Variants in SLC25A37 observed in about 807,000 individuals in gnomAD.
SLC25A37 encodes the protein mitoferrin-1.
A neutral mutation model predicts 31.0 loss-of-function variants in SLC25A37; 17 were observed. The observed-to-expected ratio is 0.55, with a 90% confidence interval of 0.38 to 0.82. The LOEUF (loss-of-function observed/expected upper bound fraction) is 0.82. Among genes scored for constraint, SLC25A37 ranks in the 40% least tolerant of loss-of-function variants. SLC25A37 has a pLI of 0.00. For synonymous variants in SLC25A37, 222 were observed against 193.0 expected, an observed-to-expected ratio of 1.15 and a Z score of -1.24; for missense variants, 404 against 465.8, an observed-to-expected ratio of 0.87 and a Z score of 1.22.
chr8:23,543,766 C>T (rs994887024), intron 1 of SLC25A37, among the ~76,000 whole-genome samples: 7 of 151,638 alleles, frequency 4.6e-5, no homozygotes, highest in Non-Finnish European at 7.4e-5. Flanking sequence ...ATCTCCTGAC[C>T]TTGTTTTGAT....
chr8:23,541,820 G>A (rs990706889), intron 1 of SLC25A37: 1 of 152,498 alleles, frequency 6.6e-6, no homozygotes, highest in Admixed American at 6.5e-5. Context: ...CAGACCAGAG[G>A]TGGGGACATC....
chr8:23,530,861 C>T (rs1046102753), intron 1 of SLC25A37, among the ~76,000 whole-genome samples: 2 of 152,184 alleles, frequency 1.3e-5, no homozygotes, highest in African/African-American at 4.8e-5. Flanking sequence ...TTAGTTGTGC[C>T]TTCTGAGCAC....
At chr8:23,563,702 C>T (rs1802574152) in intron 1 of SLC25A37, among the ~76,000 whole-genome samples, 1 of 152,136 alleles carries the variant, frequency 6.6e-6, no homozygotes, top group Non-Finnish European at 1.5e-5. Context: ...GCTAAACTGG[C>T]CGGGTGCAGT....
chr8:23,545,732 C>T (rs1802018287), intron 1 of SLC25A37, among the ~76,000 whole-genome samples: 1 of 152,140 alleles, frequency 6.6e-6, no homozygotes, highest in Non-Finnish European at 1.5e-5. Context: ...AGTGTTCTGG[C>T]TCACACCTGT....
Position 23,573,970 on chromosome 8 carries a change from A to C in SLC25A37, c.*2115A>C, listed in dbSNP as rs1476863128. On this transcript the variant is annotated 3_prime_UTR_variant, in exon 4 of 4. Coordinates refer to ENST00000519973, the MANE Select transcript of SLC25A37 (RefSeq NM_016612.4). ...AAATGGTGTTAAATTCTGCAAATGG[A>C]GGGGAAAAAAATCAAATTCTAAATT... 5.6e-6 allele frequency: 2 copies of C among 359,748 alleles called. No individual in the cohort carries two copies. The highest frequency in any genetic ancestry group is 3.7e-4 in the Middle Eastern group (1 of 2,674). 22.3% of individuals were successfully genotyped at this position (359,748 alleles called of 1,614,324 possible). A position where few individuals can be genotyped will look rare whatever the true frequency, so the allele number is the denominator to read the frequency against.
Position 23,571,755 on chromosome 8 carries a change from T to A in SLC25A37, c.917T>A (p.Val306Asp). ...TACTTCAAAGGCATCCAGGCGCGTG[T>A]CATCTACCAGATGCCCTCCACCGCC... The part of the protein sequence containing the change: ...AGYFKGIQAR[V>D]IYQMPSTAIS... The change falls in exon 4 of 4, where the codon GTC becomes GAC. Residue 306 changes from valine (V) to aspartate (D), a missense_variant. Val to Asp is a radical substitution (Grantham distance 152). Transcript: ENST00000519973. The A allele has an allele frequency of 6.2e-7, 1 of 1,614,038 alleles. No individual in the cohort carries two copies. The highest frequency in any genetic ancestry group is 8.5e-7 in the Non-Finnish European group (1 of 1,179,892).
At position 23,571,935 on chromosome 8, in the gene SLC25A37, ATT is replaced by A. The variant is rs59804560; in HGVS notation, c.*89_*90del. On this transcript the variant is annotated 3_prime_UTR_variant, in exon 4 of 4. Coordinates refer to ENST00000519973, the MANE Select transcript of SLC25A37 (RefSeq NM_016612.4). Reference sequence around the variant, plus strand: ...CTTGCCCTCTCCTCACACGTAGATCATTTTTTTTTTGCAGGGTGCTGCCTATG... The same window carrying A: ...CTTGCCCTCTCCTCACACGTAGATCATTTTTTTTGCAGGGTGCTGCCTATG... The A allele has an allele frequency of 3.0e-6, 4 of 1,323,900 alleles. No homozygotes were observed. The highest frequency in any genetic ancestry group is 2.3e-5 in the Admixed American group (1 of 43,242). The allele number at this position is 1,323,900 out of a possible 1,614,324, so 82.0% of individuals were successfully genotyped here.
At position 23,560,413 on chromosome 8, in the gene SLC25A37, C is replaced by G. The variant is rs917652034; in HGVS notation, c.211-5695C>G. Among the ~76,000 whole-genome samples the G allele has an allele frequency of 6.6e-5, 10 of 152,356 alleles. No individual in the cohort carries two copies. In the Middle Eastern group the frequency reaches 0.01, roughly 155 times the overall value. ...CTGCAGGGTTGATCCCTCCTTGCCTCTTCCTTACACTCCTTCGAGGCACCC... is the reference window on the plus strand; with the variant it reads ...CTGCAGGGTTGATCCCTCCTTGCCTGTTCCTTACACTCCTTCGAGGCACCC... On this transcript the variant is annotated intron_variant, in intron 1 of 3. Transcript: ENST00000519973.
At chr8:23,542,054 C>T (rs1379425645) in intron 1 of SLC25A37, among the ~76,000 whole-genome samples, 3 of 152,240 alleles carry the variant, frequency 2.0e-5, no homozygotes, top group Non-Finnish European at 4.4e-5. Context: ...GCTTCATCCC[C>T]TGCCCTTCAT....
At chr8:23,551,438 C>T (rs1242313527) in intron 1 of SLC25A37, among the ~76,000 whole-genome samples, 1 of 152,102 alleles carries the variant, frequency 6.6e-6, no homozygotes, top group Non-Finnish European at 1.5e-5. Context: ...GTGGTCCTGC[C>T]ACATCCCAGT....
intron 1 of SLC25A37, among the ~76,000 whole-genome samples, chr8:23,546,600 G>GTATATA (rs1391472913): frequency 1.7e-5 from 1 of 57,302 alleles, no homozygotes; most frequent in East Asian, 1.0e-3. Flanking sequence ...TATATATAGT[G>GTATATA]TATGTGTGTG....
Position 23,572,174 on chromosome 8 carries a change from G to T in SLC25A37, c.*319G>T. On this transcript the variant is annotated 3_prime_UTR_variant, in exon 4 of 4. Coordinates refer to ENST00000519973, the MANE Select transcript of SLC25A37 (RefSeq NM_016612.4). ...CCTGGATCCTTAGATCCCAGAGGAG[G>T]GAAGAAAATTTGCAGTGACTGAAAA... is the stretch of plus-strand genomic sequence containing the variant. The T allele has an allele frequency of 6.9e-6, 1 of 145,498 alleles. No homozygotes were observed. Among genetic ancestry groups the T allele is most frequent in the Non-Finnish European group, 1.2e-5 (1 of 81,466 alleles). The allele number at this position is 145,498 out of a possible 1,614,324, so 9.0% of individuals were successfully genotyped here.
chr8:23,546,564 A>G (rs1442802337), intron 1 of SLC25A37, among the ~76,000 whole-genome samples: 1,359 of 100,802 alleles, frequency 0.013, 47 homozygotes, highest in African/African-American at 0.038. Context: ...GTGTATATAT[A>G]TATATATATA....
rs372040726 is a variant in SLC25A37, at chr8:23,566,160, A to G, written c.263A>G (p.Tyr88Cys). The change falls in exon 2 of 4, where the codon TAC becomes TGC. Residue 88 changes from tyrosine to cysteine, a missense_variant. Transcript: ENST00000519973. Reference protein sequence around the residue: ...PDPKAQYTSIYGALKKIMRTE... With the variant: ...PDPKAQYTSICGALKKIMRTE... Reference sequence around the variant, plus strand: ...CCCAAAGCCCAGTACACAAGTATCTACGGAGCCCTCAAGAAAATCATGCGG... The same window carrying G: ...CCCAAAGCCCAGTACACAAGTATCTGCGGAGCCCTCAAGAAAATCATGCGG... 28 of 1,605,416 alleles carry G rather than the reference A, an allele frequency of 1.7e-5. No individual in the cohort carries two copies. In the Middle Eastern group the frequency reaches 2.0e-3, roughly 114 times the overall value.
At chr8:23,536,848 G>C (rs1006839907) in intron 1 of SLC25A37, among the ~76,000 whole-genome samples, 3 of 152,102 alleles carry the variant, frequency 2.0e-5, no homozygotes, top group African/African-American at 7.2e-5. Context: ...TTACTGCCTT[G>C]GTTCAGGGAC....
At chr8:23,538,748 C>T (rs538778891) in intron 1 of SLC25A37, among the ~76,000 whole-genome samples, 9 of 152,292 alleles carry the variant, frequency 5.9e-5, no homozygotes, top group South Asian at 2.1e-4. Flanking sequence ...TGAGCTAAGG[C>T]GACAGAACCA....
In SLC25A37 at chr8:23,561,436, C is replaced by T. The variant is rs373373600; in HGVS notation, c.211-4672C>T. On this transcript the variant is annotated intron_variant, in intron 1 of 3. Transcript: ENST00000519973. ...ACCCTCTTGATGGCTTCACGTATAT[C>T]ATGGGGTGGGATGGGGACAGTCATT... 2.2e-4 allele frequency among the ~76,000 whole-genome samples: 34 copies of T among 152,310 alleles called. 1 individual carries two copies. Among genetic ancestry groups the T allele is most frequent in the East Asian group, 1.7e-3 (9 of 5,182 alleles).
intron 2 of SLC25A37, 178 bp from the exon 3 acceptor site, chr8:23,568,144 T>G: frequency 2.8e-6 from 2 of 709,424 alleles, no homozygotes; most frequent in Non-Finnish European, 5.2e-6. Flanking sequence ...CATCCCCATT[T>G]TTATCATATT....
intron 1 of SLC25A37, among the ~76,000 whole-genome samples, chr8:23,534,334 C>G (rs1801721586): frequency 6.6e-6 from 1 of 152,162 alleles, no homozygotes; most frequent in African/African-American, 2.4e-5. Flanking sequence ...GATTTCCCAC[C>G]CTTAGAGAAC....
Sources: gnomAD v4.1 joint callset for allele counts (sites outside exome capture counted in the v4.1 genomes callset) on GRCh38, gnomAD v4.1.1 for gene constraint, MANE v1.5 for transcripts, NCBI Gene and HGNC (gene_info 2026-07-23, HGNC 2026-07-21) for gene names.